The following KCNIP4 variants were observed in gnomAD, a reference collection of about 807,000 sequenced individuals.
KCNIP4 encodes Kv channel-interacting protein 4.
In KCNIP4, 12 loss-of-function variants were observed where a neutral mutation model predicts 34.0. The ratio of observed to expected loss-of-function variants is 0.35; its 90% CI spans 0.23 to 0.57. The LOEUF is 0.57. KCNIP4 is among the 20% of genes least tolerant of loss of function. The pLI, the probability that KCNIP4 is intolerant of heterozygous loss-of-function variation, is 0.83. For synonymous variants in KCNIP4, 124 were observed against 102.2 expected (o/e 1.21, Z -1.29); for missense variants, 238 against 311.7 (o/e 0.76, Z 1.78).
chr4:20,777,105 A>G (rs1756441561), intron 3 of KCNIP4, among the ~76,000 whole-genome samples: 1 of 152,188 alleles, frequency 6.6e-6, no homozygotes, highest in African/African-American at 2.4e-5. Context: ...AAGAATGGGT[A>G]ATTTATAAAG....
At chr4:21,107,621 T>A (rs1255508143) in intron 1 of KCNIP4, among the ~76,000 whole-genome samples, 1 of 149,456 alleles carries the variant, frequency 6.7e-6, no homozygotes, top group East Asian at 2.0e-4. Context: ...TATTGTTATG[T>A]ATGAATTTGA....
At chr4:20,816,133 G>C (rs1352717157) in intron 3 of KCNIP4, among the ~76,000 whole-genome samples, 1 of 151,914 alleles carries the variant, frequency 6.6e-6, no homozygotes, top group African/African-American at 2.4e-5. Context: ...CACACCTGTA[G>C]TCCCAGCTAC....
chr4:21,010,931 CA>C (rs552704461), intron 1 of KCNIP4, among the ~76,000 whole-genome samples: 3 of 152,152 alleles, frequency 2.0e-5, no homozygotes, highest in Non-Finnish European at 4.4e-5. Context: ...CAAGCAGTTT[CA>C]AGTGAATTTG....
intron 1 of KCNIP4, among the ~76,000 whole-genome samples, chr4:21,276,022 G>A (rs576429515): frequency 5.4e-4 from 82 of 152,310 alleles, no homozygotes; most frequent in African/African-American, 1.7e-3. Context: ...TGGGGCCACA[G>A]TCAAAACCAT....
At chr4:20,916,029 A>C (rs889199099) in intron 1 of KCNIP4, among the ~76,000 whole-genome samples, 2 of 152,136 alleles carry the variant, frequency 1.3e-5, no homozygotes, top group Non-Finnish European at 2.9e-5. Flanking sequence ...AAATTTTATG[A>C]TGCCCCAAAA....
chr4:21,119,723 G>GT (rs77711688), intron 1 of KCNIP4, among the ~76,000 whole-genome samples: 36 of 149,022 alleles, frequency 2.4e-4, no homozygotes, highest in East Asian at 2.4e-3. Context: ...TAGTAAGACA[G>GT]TTTTTTTTTT....
At chr4:21,675,048 T>C (rs996123240) in intron 1 of KCNIP4, among the ~76,000 whole-genome samples, 1 of 152,102 alleles carries the variant, frequency 6.6e-6, no homozygotes, top group Non-Finnish European at 1.5e-5. Flanking sequence ...GCAACCTAAT[T>C]GTCCATCAAC....
At chr4:21,825,692 G>C (rs1202854551) in intron 1 of KCNIP4, among the ~76,000 whole-genome samples, 1 of 152,072 alleles carries the variant, frequency 6.6e-6, no homozygotes, top group African/African-American at 2.4e-5. Context: ...TTTATTCATT[G>C]ATTTATGTAA....
chr4:21,844,849 T>C (rs1308113112), intron 1 of KCNIP4: 2 of 151,818 alleles, frequency 1.3e-5, no homozygotes, highest in African/African-American at 2.4e-5. Context: ...GAAGGTTGTG[T>C]AAACTTGTCA....
rs147985736 is a variant in KCNIP4 at position 20,798,877 on chromosome 4, G to A, written c.289-39987C>T. Among the ~76,000 whole-genome samples, 380 of 152,246 alleles carry A rather than the reference G, an allele frequency of 2.5e-3. 1 individual carries two copies. The highest frequency in any genetic ancestry group is 8.4e-3 in the African/African-American group (348 of 41,554). On this transcript the variant is annotated intron_variant, in intron 3 of 8. Transcript: ENST00000382152. ...AGAGAGCTCCCTAGAGTCACATGCT[G>A]AGCTATATTCAGAGAAGGTGACAAC...
At chr4:21,854,554 C>T (rs1395681485) in intron 1 of KCNIP4, among the ~76,000 whole-genome samples, 1 of 152,108 alleles carries the variant, frequency 6.6e-6, no homozygotes, top group African/African-American at 2.4e-5. Context: ...AAAGGCATTG[C>T]CTATCCTGTG....
rs568690437 is a variant in KCNIP4, at chr4:21,266,964, G to A, written c.62-384255C>T. ...TTAGCTAAGGTCTTGGGCTAGTCAC[G>A]TAGTCTATGTCTCAGTTTCCTTATC... On this transcript the variant is annotated intron_variant, in intron 1 of 8. Coordinates refer to ENST00000382152, the MANE Select transcript of KCNIP4 (RefSeq NM_025221.6). 6.6e-5 allele frequency among the ~76,000 whole-genome samples: 10 copies of A among 152,298 alleles called. No homozygotes were observed. In the South Asian group the frequency reaches 1.9e-3, roughly 28 times the overall value.
chr4:21,238,211 G>A (rs1759520766), intron 1 of KCNIP4, among the ~76,000 whole-genome samples: 1 of 152,102 alleles, frequency 6.6e-6, no homozygotes, highest in Admixed American at 6.6e-5. Context: ...AATAAATTAG[G>A]TATTGATGGG....
At chr4:21,449,288 T>C (rs910221736) in intron 1 of KCNIP4, among the ~76,000 whole-genome samples, 13 of 152,212 alleles carry the variant, frequency 8.5e-5, no homozygotes, top group African/African-American at 2.7e-4. Context: ...CATTATCTTA[T>C]GCCTATAACC....
chr4:21,214,907 G>C (rs1427144379), intron 1 of KCNIP4, among the ~76,000 whole-genome samples: 1 of 152,114 alleles, frequency 6.6e-6, no homozygotes, highest in Admixed American at 6.5e-5. Flanking sequence ...ACTTTTTGTA[G>C]AGGTTCATAG....
At chr4:21,807,002 A>T (rs1186556880) in intron 1 of KCNIP4, among the ~76,000 whole-genome samples, 2 of 152,040 alleles carry the variant, frequency 1.3e-5, no homozygotes, top group Non-Finnish European at 2.9e-5. Context: ...GGGAGCCCTG[A>T]GCTTGTTTTC....
At chr4:21,680,576 A>G (rs1750270128) in intron 1 of KCNIP4, among the ~76,000 whole-genome samples, 1 of 152,220 alleles carries the variant, frequency 6.6e-6, no homozygotes, top group South Asian at 2.1e-4. Flanking sequence ...TATGACAGTT[A>G]TAGCCTTATG....
intron 3 of KCNIP4, among the ~76,000 whole-genome samples, chr4:20,771,830 CA>C (rs1449709465): frequency 2.0e-5 from 3 of 152,092 alleles, no homozygotes; most frequent in African/African-American, 7.2e-5. Context: ...CCACCAAGCT[CA>C]GCTAATTTTT....
intron 1 of KCNIP4, among the ~76,000 whole-genome samples, chr4:21,268,095 G>A (rs891424097): frequency 1.3e-5 from 2 of 152,100 alleles, no homozygotes; most frequent in Admixed American, 6.6e-5. Flanking sequence ...TCTATCCTGT[G>A]TACAATATAA....
Sources: allele counts gnomAD v4.1 joint callset (sites outside exome capture counted in the v4.1 genomes callset), GRCh38; gene constraint gnomAD v4.1.1; transcripts MANE v1.5; gene names NCBI Gene and HGNC (gene_info 2026-07-23, HGNC 2026-07-21).